LRRC4C: variants seen among roughly 807,000 people sequenced by gnomAD.
LRRC4C encodes the protein leucine rich repeat containing 4C.
Under a neutral mutation model 33.6 loss-of-function variants are expected in LRRC4C, and 5 were observed. That is an observed-to-expected ratio of 0.15 (90% CI 0.08 to 0.31). The LOEUF (loss-of-function observed/expected upper bound fraction) is 0.31. Ranked by LOEUF, LRRC4C falls within the 10% of genes least tolerant of loss-of-function variation. The pLI is 1.00. For missense variants in LRRC4C, 560 were observed against 796.7 expected (o/e 0.70, Z 3.58); for synonymous variants, 329 against 302.0 (o/e 1.09, Z -0.93).
At chr11:40,217,262 T>C (rs573318834) in intron 5 of LRRC4C, among the ~76,000 whole-genome samples, 1 of 152,226 alleles carries the variant, frequency 6.6e-6, no homozygotes, top group Admixed American at 6.5e-5. Context: ...ATAATATAGG[T>C]AATATTAATA....
intron 3 of LRRC4C, among the ~76,000 whole-genome samples, chr11:40,467,964 C>T (rs1046316672): frequency 9.2e-5 from 14 of 152,114 alleles, no homozygotes; most frequent in Non-Finnish European, 2.1e-4. Context: ...CCAGAAATGA[C>T]AAGGCTGTGC....
chr11:41,327,269 C>A (rs191473384), intron 1 of LRRC4C, among the ~76,000 whole-genome samples: 1 of 152,068 alleles, frequency 6.6e-6, no homozygotes, highest in Non-Finnish European at 1.5e-5. Flanking sequence ...GTTGGTGTGT[C>A]GCCGTCTGTC....
intron 1 of LRRC4C, among the ~76,000 whole-genome samples, chr11:41,085,651 T>G (rs1939916217): frequency 6.6e-6 from 1 of 151,998 alleles, no homozygotes; most frequent in African/African-American, 2.4e-5. Flanking sequence ...CCTGAGGTGG[T>G]TGACTCTCTC....
intron 1 of LRRC4C, among the ~76,000 whole-genome samples, chr11:41,303,355 C>A (rs2137096178): frequency 8.5e-6 from 1 of 117,690 alleles, no homozygotes; most frequent in East Asian, 2.6e-4. Flanking sequence ...TCCCGAGGTG[C>A]CGGGATTGCA....
chr11:40,724,980 G>T, intron 2 of LRRC4C, among the ~76,000 whole-genome samples: 1 of 152,178 alleles, frequency 6.6e-6, no homozygotes, highest in East Asian at 1.9e-4. Context: ...TGTCCAGGAA[G>T]ATTCCCTCCC....
chr11:40,674,819 T>C (rs1324681585), intron 2 of LRRC4C, among the ~76,000 whole-genome samples: 2 of 152,146 alleles, frequency 1.3e-5, no homozygotes, highest in Admixed American at 1.3e-4. Context: ...ATCACCCTTT[T>C]AATTTCTATC....
intron 4 of LRRC4C, chr11:40,293,807 C>A (rs1457786891): frequency 6.6e-6 from 1 of 152,182 alleles, no homozygotes; most frequent in Non-Finnish European, 1.5e-5. Flanking sequence ...TAGTCCTCTG[C>A]GAGGAGACGC....
chr11:40,737,072 C>A (rs1947907211), intron 2 of LRRC4C, among the ~76,000 whole-genome samples: 1 of 152,006 alleles, frequency 6.6e-6, no homozygotes, highest in Non-Finnish European at 1.5e-5. Flanking sequence ...AGTCTTTGCC[C>A]ATGCCTATGT....
At chr11:40,433,145 T>G (rs185290285) in intron 3 of LRRC4C, among the ~76,000 whole-genome samples, 405 of 152,258 alleles carry the variant, frequency 2.7e-3, no homozygotes, top group African/African-American at 9.3e-3. Context: ...GTAACTTTCT[T>G]TTTCACCTAC....
At chr11:40,759,251 C>T (rs1193334074) in intron 2 of LRRC4C, among the ~76,000 whole-genome samples, 1 of 146,338 alleles carries the variant, frequency 6.8e-6, no homozygotes, top group Admixed American at 6.9e-5. Context: ...TATGTATGTA[C>T]TTCTTCCATA....
chr11:41,127,143 C>T (rs1480633630), intron 1 of LRRC4C, among the ~76,000 whole-genome samples: 1 of 151,950 alleles, frequency 6.6e-6, no homozygotes, highest in Non-Finnish European at 1.5e-5. Flanking sequence ...ATTGCATGTA[C>T]CACACTTTGC....
intron 1 of LRRC4C, among the ~76,000 whole-genome samples, chr11:41,227,964 C>G (rs908973687): frequency 6.6e-6 from 1 of 151,982 alleles, no homozygotes; most frequent in Admixed American, 6.6e-5. Context: ...AATAATATTT[C>G]TAATCTCTCT....
intron 3 of LRRC4C, among the ~76,000 whole-genome samples, chr11:40,393,788 G>T (rs190075981): frequency 1.4e-4 from 22 of 152,116 alleles, no homozygotes; most frequent in Admixed American, 1.3e-4. Flanking sequence ...TCAGGGCTAT[G>T]CCTTTTGTCC....
chr11:40,367,958 A>T (rs969029480), intron 3 of LRRC4C, among the ~76,000 whole-genome samples: 1 of 152,140 alleles, frequency 6.6e-6, no homozygotes, highest in Non-Finnish European at 1.5e-5. Context: ...ACAAAGATCC[A>T]AAATTCCAGA....
chr11:41,194,810 G>A, intron 1 of LRRC4C, among the ~76,000 whole-genome samples: 1 of 152,170 alleles, frequency 6.6e-6, no homozygotes, highest in East Asian at 1.9e-4. Context: ...TCATGAATGT[G>A]TGTTGTTTTA....
intron 2 of LRRC4C, among the ~76,000 whole-genome samples, chr11:40,764,197 T>G (rs1021270961): frequency 1.3e-5 from 2 of 152,122 alleles, no homozygotes; most frequent in Non-Finnish European, 2.9e-5. Flanking sequence ...ATAACATTTC[T>G]AGACAAACTG....
Position 40,381,954 on chromosome 11 carries a change from GT to G in LRRC4C, c.-269-62234del, listed in dbSNP as rs34415574. On this transcript the variant is annotated intron_variant, in intron 3 of 6. Transcript: ENST00000528697. The stretch of plus-strand genomic sequence containing the variant: ...ATGGACAAAATGTTTATCAGTCAGC[GT>G]TTTTTTTTTTTTTTTTTTTTTGAGA... Among the ~76,000 whole-genome samples, 439 of 85,888 alleles carry G rather than the reference GT, an allele frequency of 5.1e-3. 1 individual carries two copies. The highest frequency in any genetic ancestry group is 0.018 in the African/African-American group (398 of 22,232). 56.3% of individuals were successfully genotyped at this position (85,888 alleles called of 152,430 possible).
intron 3 of LRRC4C, among the ~76,000 whole-genome samples, chr11:40,408,946 C>T (rs1374474306): frequency 6.6e-6 from 1 of 151,808 alleles, no homozygotes; most frequent in East Asian, 1.9e-4. Flanking sequence ...CTCTGAATAG[C>T]CAAAGCAATC....
chr11:40,702,831 A>G (rs1482780352), intron 2 of LRRC4C, among the ~76,000 whole-genome samples: 1 of 152,080 alleles, frequency 6.6e-6, no homozygotes, highest in Non-Finnish European at 1.5e-5. Flanking sequence ...GAAGTTGCTT[A>G]ACATTGAATT....
Sources: gnomAD v4.1 joint callset for allele counts (sites outside exome capture counted in the v4.1 genomes callset) on GRCh38, gnomAD v4.1.1 for gene constraint, MANE v1.5 for transcripts, NCBI Gene and HGNC (gene_info 2026-07-23, HGNC 2026-07-21) for gene names.